Variants in NXF1 observed in about 807,000 individuals in gnomAD.
NXF1 encodes nuclear RNA export factor 1.
Under a neutral mutation model 92.4 loss-of-function variants are expected in NXF1, and 43 were observed. The ratio of observed to expected loss-of-function variants is 0.47; its 90% CI spans 0.36 to 0.60. The LOEUF is 0.60. Ranked by LOEUF, NXF1 falls within the 20% of genes least tolerant of loss-of-function variation. The pLI, the probability that NXF1 is intolerant of heterozygous loss-of-function variation, is 0.00. For synonymous variants in NXF1, 288 were observed against 292.2 expected, an observed-to-expected ratio of 0.99 and a Z score of 0.15; for missense variants, 576 against 793.0, an observed-to-expected ratio of 0.73 and a Z score of 3.29.
Position 62,792,374 on chromosome 11 carries a change from G to T in NXF1, c.*102C>A, listed in dbSNP as rs1319882364. The T allele has an allele frequency of 7.0e-7, 1 of 1,427,174 alleles. No homozygotes were observed. The highest frequency in any genetic ancestry group is 1.4e-5 in the African/African-American group (1 of 71,332). 88.4% of individuals were successfully genotyped at this position (1,427,174 alleles called of 1,614,324 possible). A position where few individuals can be genotyped will look rare whatever the true frequency, so the allele number is the denominator to read the frequency against. Reference sequence around the variant, plus strand: ...CCCTCCCTCCCTCGGTCACAGTCACGGGGCGGCCTCGGGCCAGACAGGAGG... The same window carrying T: ...CCCTCCCTCCCTCGGTCACAGTCACTGGGCGGCCTCGGGCCAGACAGGAGG... On this transcript the variant is annotated 3_prime_UTR_variant, in exon 21 of 21. Coordinates refer to ENST00000294172, the MANE Select transcript of NXF1 (RefSeq NM_006362.5).
Position 62,796,323 on chromosome 11 carries a change from T to C in NXF1, c.1309A>G (p.Lys437Glu). ...PARSSLAEYFKDSRNVKKLKD... is the reference protein window; with the variant it reads ...PARSSLAEYFEDSRNVKKLKD... ...AGCTTCTTCACATTTCTGCTATCCT[T>C]GAAATACTCGGCTAAGCTGCTTCTG... is the stretch of plus-strand genomic sequence containing the variant. Residue 437 changes from lysine (K) to glutamate (E), a missense_variant, in exon 15 of 21, where the codon AAG becomes GAG. Lys to Glu is a moderately conservative substitution (Grantham distance 56). Coordinates refer to ENST00000294172, the MANE Select transcript of NXF1 (RefSeq NM_006362.5). The C allele has an allele frequency of 6.2e-7, 1 of 1,614,116 alleles. No homozygotes were observed.
At chr11:62,797,738 A>C (rs1197697477) in intron 11 of NXF1, among the ~76,000 whole-genome samples, 3 of 152,158 alleles carry the variant, frequency 2.0e-5, no homozygotes, top group Admixed American at 1.3e-4. Flanking sequence ...GAAAGTTGAC[A>C]GTTTAAACCA....
At chr11:62,797,643 T>C (rs952128064) in intron 11 of NXF1, among the ~76,000 whole-genome samples, 5 of 151,954 alleles carry the variant, frequency 3.3e-5, no homozygotes, top group Admixed American at 6.6e-5. Context: ...CAGGCGAAGG[T>C]TGCAGTAAGC....
chr11:62,799,932 C>T, intron 10 of NXF1: 1 of 991,942 alleles, frequency 1.0e-6, no homozygotes, highest in Non-Finnish European at 1.2e-6. Context: ...GAGGGGCCAT[C>T]ACAGTACAAA....
At chr11:62,796,235 C>A (rs1484878058) in intron 15 of NXF1, 52 bp downstream of exon 15, 2 of 1,613,160 alleles carry the variant, frequency 1.2e-6, no homozygotes, top group Non-Finnish European at 1.7e-6. Flanking sequence ...TGAGTTCTGA[C>A]TGATTCCTTC....
Position 62,803,918 on chromosome 11 carries a change from C to A in NXF1, c.89G>T (p.Arg30Leu), listed in dbSNP as rs1459255092. 6.2e-7 allele frequency: 1 copy of A among 1,614,054 alleles called. No individual in the cohort carries two copies. Among genetic ancestry groups the A allele is most frequent in the African/African-American group, 1.3e-5 (1 of 74,910 alleles). ...QRKKKGRGPF[R>L]WKYGEGNRRS... ...ACGGTTTCCTTCACCATATTTCCAC[C>A]GGAAGGGACCCCGGCCTTTCTTCTT... The change falls in exon 2 of 21, where the codon CGG becomes CTG. Residue 30 changes from arginine (R) to leucine (L), a missense_variant. Arg to Leu is a moderately radical substitution (Grantham distance 102, BLOSUM62 -2). Transcript: ENST00000294172.
rs1036625649 is a variant in NXF1 at position 62,796,899 on chromosome 11, T to C, written c.1178+284A>G. 5.6e-6 allele frequency: 3 copies of C among 535,768 alleles called. No homozygotes were observed. In the African/African-American group the frequency reaches 5.7e-5, roughly 10 times the overall value. The allele number at this position is 535,768 out of a possible 1,614,324, so 33.2% of individuals were successfully genotyped here. ...CTGGCCAACATAGTGAAATCCCATC[T>C]GTACGAAAAATACAAAAATTAGCCA... On this transcript the variant is annotated intron_variant, in intron 13 of 20. Transcript: ENST00000294172.
At chr11:62,798,469 G>T in intron 11 of NXF1, 70 bp downstream of exon 11, 3 of 1,541,092 alleles carry the variant, frequency 1.9e-6, no homozygotes, top group Non-Finnish European at 2.6e-6. Flanking sequence ...AAAAGAAAAA[G>T]AAACCTATCC....
chr11:62,803,441 G>A lies in NXF1; in HGVS notation c.347C>T (p.Ser116Leu), dbSNP rs765247146. The change falls in exon 3 of 21, where the codon TCA becomes TTA. Residue 116 changes from serine to leucine, a missense_variant. Coordinates refer to ENST00000294172, the MANE Select transcript of NXF1 (RefSeq NM_006362.5). Reference protein sequence around the residue: ...GGAGTSQDGTSKNWFKITIPY... With the variant: ...GGAGTSQDGTLKNWFKITIPY... ...CACTGTAATCTTGAACCAGTTCTTT[G>A]AGGTCCCATCCTGGCTGGTGCCAGC... 8.1e-6 allele frequency: 13 copies of A among 1,613,764 alleles called. No individual in the cohort carries two copies. The highest frequency in any genetic ancestry group is 3.3e-5 in the Admixed American group (2 of 59,982).
At chr11:62,804,292 T>C (rs2084511468) in intron 1 of NXF1, 2 of 1,098,648 alleles carry the variant, frequency 1.8e-6, no homozygotes, top group East Asian at 8.7e-5. Context: ...GAAAGCCACC[T>C]GAAATCTGCC....
chr11:62,799,252 C>T, intron 10 of NXF1: 1 of 985,608 alleles, frequency 1.0e-6, no homozygotes, highest in Non-Finnish European at 1.2e-6. Context: ...CACCCTGACA[C>T]AGCCCTTTCT....
At position 62,794,416 on chromosome 11, in the gene NXF1, T is replaced by C; in HGVS notation, c.1602A>G (p.Leu534=). ...NSGLCIVNDE[L]FVRNASSEEI... ...CTTCAGAACTGGCATTCCGCACAAA[T>C]AGCTCATCATTTACAATACATAGCC... The change falls in exon 19 of 21, where the codon CTA becomes CTG. Residue 534 remains leucine (L), a synonymous_variant. Coordinates refer to ENST00000294172, the MANE Select transcript of NXF1 (RefSeq NM_006362.5). 1.9e-6 allele frequency: 3 copies of C among 1,613,798 alleles called. No homozygotes were observed. The highest frequency in any genetic ancestry group is 1.3e-5 in the African/African-American group (1 of 75,018).
rs2084372393 is a variant in NXF1 at position 62,792,287 on chromosome 11, C to T, written c.*189G>A. 1 of 761,074 alleles carries T rather than the reference C, an allele frequency of 1.3e-6. No homozygotes were observed. The highest frequency in any genetic ancestry group is 2.2e-6 in the Non-Finnish European group (1 of 449,652). The allele number at this position is 761,074 out of a possible 1,614,324, so 47.1% of individuals were successfully genotyped here. ...TACAAAGTAAGCTTTGGCTTCCTGG[C>T]ACCAGTGAGGCTCAATCTTCTGAAG... On this transcript the variant is annotated 3_prime_UTR_variant, in exon 21 of 21. Coordinates refer to ENST00000294172, the MANE Select transcript of NXF1 (RefSeq NM_006362.5).
intron 1 of NXF1, 144 bp from the exon 2 acceptor site, chr11:62,804,122 C>A: frequency 1.3e-6 from 2 of 1,557,700 alleles, no homozygotes; most frequent in Non-Finnish European, 1.7e-6. Context: ...CGCTCCCTAT[C>A]CACAGGAAAG....
chr11:62,798,297 A>G (rs2084441896), intron 11 of NXF1, among the ~76,000 whole-genome samples: 1 of 151,660 alleles, frequency 6.6e-6, no homozygotes, highest in Non-Finnish European at 1.5e-5. Flanking sequence ...GTGTGGTAGC[A>G]CATGCCTGTA....
intron 4 of NXF1, 27 bp from the exon 5 acceptor site, chr11:62,802,073 C>A: frequency 6.2e-7 from 1 of 1,611,658 alleles, no homozygotes; most frequent in South Asian, 1.1e-5. Flanking sequence ...GAGCATTACA[C>A]TGGGAGTCCA....
At chr11:62,795,596 C>T (rs2084411707) in intron 17 of NXF1, among the ~76,000 whole-genome samples, 3 of 152,182 alleles carry the variant, frequency 2.0e-5, no homozygotes. Context: ...TATTACTAAC[C>T]CCATCTTACA....
At chr11:62,805,048 CCTAA>C (rs929570710) in intron 1 of NXF1, 6 of 338,474 alleles carry the variant, frequency 1.8e-5, no homozygotes, top group African/African-American at 6.5e-5. Flanking sequence ...GGCCGCCAAA[CCTAA>C]CTGACAGGCA....
chr11:62,796,105 G>A lies in NXF1; in HGVS notation c.1422C>T (p.His474=), dbSNP rs886869110. ...AFLNELPKTQ[H]DVNSFVVDIS... ...TGTCTACCACGAAGGAATTGACGTC[G>A]TGCTGGGTTTTGGGCAACTCATTGA... The change falls in exon 16 of 21, where the codon CAC becomes CAT. Residue 474 remains histidine, a synonymous_variant. Coordinates refer to ENST00000294172, the MANE Select transcript of NXF1 (RefSeq NM_006362.5). 5.6e-6 allele frequency: 9 copies of A among 1,613,724 alleles called. No individual in the cohort carries two copies. Among genetic ancestry groups the A allele is most frequent in the Middle Eastern group, 1.6e-4 (1 of 6,084 alleles).
Sources: allele counts gnomAD v4.1 joint callset (sites outside exome capture counted in the v4.1 genomes callset), GRCh38; gene constraint gnomAD v4.1.1; transcripts MANE v1.5; gene names NCBI Gene and HGNC (gene_info 2026-07-23, HGNC 2026-07-21).